OSBPL6: variants seen among roughly 807,000 people sequenced by gnomAD.
OSBPL6 encodes the protein oxysterol binding protein like 6.
A neutral mutation model predicts 125.8 loss-of-function variants in OSBPL6; 49 were observed. The ratio of observed to expected loss-of-function variants is 0.39; its 90% CI spans 0.31 to 0.49. The LOEUF (loss-of-function observed/expected upper bound fraction) is 0.49. Among genes scored for constraint, OSBPL6 ranks in the 20% least tolerant of loss-of-function variants. The probability of loss-of-function intolerance (pLI) is 0.88; values close to 1 mark genes in which losing one functional copy is unlikely to be tolerated. For missense variants in OSBPL6, 986 were observed against 1,135.4 expected (o/e 0.87, Z 1.89); for synonymous variants, 394 against 391.8 (o/e 1.01, Z -0.07).
At chr2:178,243,345 A>T (rs139104521) in intron 1 of OSBPL6, among the ~76,000 whole-genome samples, 1 of 151,908 alleles carries the variant, frequency 6.6e-6, no homozygotes, top group African/African-American at 2.4e-5. Context: ...TACCTGAGGA[A>T]GTCTCAAAGG....
chr2:178,309,020 C>T (rs1004672799), intron 3 of OSBPL6, among the ~76,000 whole-genome samples: 3 of 152,068 alleles, frequency 2.0e-5, no homozygotes, highest in Admixed American at 1.3e-4. Flanking sequence ...GCTTGTGTTC[C>T]ATTTTCCTCC....
At chr2:178,294,046 T>C (rs1360584100) in intron 2 of OSBPL6, among the ~76,000 whole-genome samples, 1 of 152,178 alleles carries the variant, frequency 6.6e-6, no homozygotes, top group Non-Finnish European at 1.5e-5. Flanking sequence ...AGTGAGTTCT[T>C]AGTCTTTAAA....
intron 15 of OSBPL6, among the ~76,000 whole-genome samples, chr2:178,376,925 C>G (rs1693927180): frequency 6.6e-6 from 1 of 152,172 alleles, no homozygotes; most frequent in African/African-American, 2.4e-5. Context: ...TGCAACTTCT[C>G]CCTTTATCAC....
chr2:178,212,948 CA>C (rs1479998873), intron 1 of OSBPL6, among the ~76,000 whole-genome samples: 1 of 152,088 alleles, frequency 6.6e-6, no homozygotes, highest in African/African-American at 2.4e-5. Flanking sequence ...GCTGGGATTA[CA>C]GGTGCACACC....
intron 1 of OSBPL6, among the ~76,000 whole-genome samples, chr2:178,210,040 G>A (rs191013654): frequency 3.4e-4 from 51 of 151,726 alleles, no homozygotes; most frequent in Non-Finnish European, 5.2e-4. Context: ...ATTTATTTGA[G>A]ATAGGGTCTC....
intron 2 of OSBPL6, among the ~76,000 whole-genome samples, chr2:178,295,316 T>G (rs896881796): frequency 2.6e-5 from 4 of 152,172 alleles, no homozygotes; most frequent in Admixed American, 6.6e-5. Context: ...AGAATGCATC[T>G]TGTTATTTCA....
intron 1 of OSBPL6, among the ~76,000 whole-genome samples, chr2:178,204,966 G>A (rs913140326): frequency 6.6e-6 from 1 of 152,128 alleles, no homozygotes; most frequent in Non-Finnish European, 1.5e-5. Flanking sequence ...GGCCTACAAG[G>A]TGTTGGTATT....
At chr2:178,296,860 C>A (rs1232083290) in intron 2 of OSBPL6, among the ~76,000 whole-genome samples, 1 of 152,222 alleles carries the variant, frequency 6.6e-6, no homozygotes, top group Non-Finnish European at 1.5e-5. Context: ...AACCAACACT[C>A]ATGCTCGAAT....
chr2:178,238,274 C>T (rs2091143877), intron 1 of OSBPL6, among the ~76,000 whole-genome samples: 1 of 152,144 alleles, frequency 6.6e-6, no homozygotes, highest in Non-Finnish European at 1.5e-5. Context: ...CTCATGCCGC[C>T]CTGCTCTGTC....
intron 23 of OSBPL6, among the ~76,000 whole-genome samples, 162 bp downstream of exon 23, chr2:178,392,700 A>AC (rs1695514250): frequency 6.6e-6 from 1 of 152,096 alleles, no homozygotes; most frequent in African/African-American, 2.4e-5. Flanking sequence ...TCTAAAAAAA[A>AC]AGAATTAAAA....
At chr2:178,245,729 G>T (rs2091463509) in intron 1 of OSBPL6, among the ~76,000 whole-genome samples, 1 of 152,164 alleles carries the variant, frequency 6.6e-6, no homozygotes, top group Non-Finnish European at 1.5e-5. Flanking sequence ...GCTTGGGGAG[G>T]AGGGGGTCTG....
intron 24 of OSBPL6, 30 bp downstream of exon 24, chr2:178,394,465 A>C (rs373159503): frequency 5.1e-6 from 8 of 1,581,848 alleles, no homozygotes; most frequent in African/African-American, 1.4e-5. Context: ...TAGCAAGTTC[A>C]TGTTTTGCAA....
chr2:178,390,938 G>A (rs1695351710), intron 21 of OSBPL6, 135 bp from the exon 22 acceptor site: 12 of 1,143,780 alleles, frequency 1.0e-5, no homozygotes, highest in Middle Eastern at 2.1e-4. Context: ...CATATAAAAC[G>A]TTTTGAGATT....
intron 3 of OSBPL6, among the ~76,000 whole-genome samples, chr2:178,321,135 G>A (rs1227696187): frequency 6.6e-6 from 1 of 152,184 alleles, no homozygotes; most frequent in African/African-American, 2.4e-5. Context: ...TGGCGATGGA[G>A]CAAGACTCTG....
chr2:178,218,208 A>G (rs902606788), intron 1 of OSBPL6, among the ~76,000 whole-genome samples: 1 of 152,174 alleles, frequency 6.6e-6, no homozygotes, highest in African/African-American at 2.4e-5. Flanking sequence ...TGCTTTTGAA[A>G]AGGAGGTTGG....
chr2:178,377,769 G>A (rs1306155106), intron 15 of OSBPL6, among the ~76,000 whole-genome samples: 1 of 152,182 alleles, frequency 6.6e-6, no homozygotes, highest in Non-Finnish European at 1.5e-5. Flanking sequence ...GGAAGCCTAT[G>A]CTGGCTGTCC....
chr2:178,327,974 G>A (rs984719178), intron 4 of OSBPL6, among the ~76,000 whole-genome samples: 3 of 152,162 alleles, frequency 2.0e-5, no homozygotes, highest in Non-Finnish European at 4.4e-5. Flanking sequence ...AACATTCTGA[G>A]TACAGGCAAT....
At chr2:178,361,627 G>T in intron 12 of OSBPL6, 55 bp from the exon 13 acceptor site, 1 of 1,591,660 alleles carries the variant, frequency 6.3e-7, no homozygotes, top group Non-Finnish European at 8.6e-7. Flanking sequence ...TTATAATGTT[G>T]TGTATTCTTT....
chr2:178,289,545 T>C (rs1685045919), intron 2 of OSBPL6, among the ~76,000 whole-genome samples: 1 of 152,232 alleles, frequency 6.6e-6, no homozygotes, highest in Non-Finnish European at 1.5e-5. Context: ...CATATTGCCA[T>C]GTCACACCTA....
Sources: gnomAD v4.1 joint callset for allele counts (sites outside exome capture counted in the v4.1 genomes callset) on GRCh38, gnomAD v4.1.1 for gene constraint, MANE v1.5 for transcripts, NCBI Gene and HGNC (gene_info 2026-07-23, HGNC 2026-07-21) for gene names.